The following SH3RF1 variants were observed in gnomAD, a reference collection of about 807,000 sequenced individuals.
The protein encoded by SH3RF1 is E3 ubiquitin-protein ligase SH3RF1.
Under a neutral mutation model 74.0 loss-of-function variants are expected in SH3RF1, and 32 were observed. The ratio of observed to expected loss-of-function variants is 0.43; its 90% CI spans 0.33 to 0.58. SH3RF1 has a LOEUF of 0.58. Among genes scored for constraint, SH3RF1 ranks in the 20% least tolerant of loss-of-function variants. SH3RF1 has a pLI of 0.05. For missense variants in SH3RF1, 954 were observed against 1,130.9 expected (o/e 0.84, Z 2.24); for synonymous variants, 396 against 439.6 (o/e 0.90, Z 1.24).
chr4:169,152,039 C>A (rs1733984892), intron 4 of SH3RF1, among the ~76,000 whole-genome samples: 1 of 152,160 alleles, frequency 6.6e-6, no homozygotes. Flanking sequence ...AACAAAGAAG[C>A]AGATTAAAAA....
At chr4:169,129,197 A>G (rs919673999) in intron 6 of SH3RF1, among the ~76,000 whole-genome samples, 4 of 152,204 alleles carry the variant, frequency 2.6e-5, no homozygotes, top group Non-Finnish European at 5.9e-5. Context: ...TAATTTAATG[A>G]TCTTTTCTAT....
chr4:169,129,206 A>G (rs1309727744), intron 6 of SH3RF1, among the ~76,000 whole-genome samples: 1 of 152,198 alleles, frequency 6.6e-6, no homozygotes, highest in East Asian at 1.9e-4. Context: ...GATCTTTTCT[A>G]TCGTAATTCA....
At chr4:169,168,172 TG>T (rs1358801890) in intron 2 of SH3RF1, among the ~76,000 whole-genome samples, 2 of 151,728 alleles carry the variant, frequency 1.3e-5, no homozygotes, top group Non-Finnish European at 2.9e-5. Flanking sequence ...AGTATCACAA[TG>T]AGTAACAAGC....
chr4:169,097,376 T>C (rs1732950045), intron 11 of SH3RF1, among the ~76,000 whole-genome samples: 1 of 152,260 alleles, frequency 6.6e-6, no homozygotes, highest in East Asian at 1.9e-4. Context: ...AGTAACGAGG[T>C]TGACATTCTC....
intron 4 of SH3RF1, among the ~76,000 whole-genome samples, chr4:169,146,716 T>C (rs1371649557): frequency 6.6e-6 from 1 of 151,942 alleles, no homozygotes; most frequent in East Asian, 1.9e-4. Context: ...GCGATTCTCT[T>C]GAGAAGTTTA....
chr4:169,097,244 C>T (rs189692244), intron 11 of SH3RF1, among the ~76,000 whole-genome samples: 19 of 152,194 alleles, frequency 1.2e-4, no homozygotes, highest in Non-Finnish European at 2.2e-4. Flanking sequence ...TTGACATGGG[C>T]GAGGCAGCAA....
chr4:169,179,162 CAGATGGGTTG>C, intron 2 of SH3RF1, among the ~76,000 whole-genome samples: 1 of 152,158 alleles, frequency 6.6e-6, no homozygotes, highest in Non-Finnish European at 1.5e-5. Flanking sequence ...GGAACTATCC[CAGATGGGTTG>C]AGAGTCAGAG....
intron 11 of SH3RF1, among the ~76,000 whole-genome samples, chr4:169,105,885 CA>C (rs1410468436): frequency 6.6e-5 from 10 of 151,820 alleles, no homozygotes; most frequent in Admixed American, 6.6e-4. Context: ...GACCCTGTCT[CA>C]AAAAAAGAAG....
rs746722562 is a variant in SH3RF1 at position 169,122,411 on chromosome 4, G to A, written c.1180-145C>T. 943 of 915,520 alleles carry A rather than the reference G, an allele frequency of 1.0e-3. 2 individuals carry two copies. Among genetic ancestry groups the A allele is most frequent in the Non-Finnish European group, 1.3e-3 (823 of 627,266 alleles). 56.7% of individuals were successfully genotyped at this position (915,520 alleles called of 1,614,324 possible). On this transcript the variant is annotated intron_variant, in intron 6 of 11. Transcript: ENST00000284637. The stretch of plus-strand genomic sequence containing the variant: ...AATCCACACAGGGCAGAATCAGCAG[G>A]CTAACTGATATGAAAGCCTGCTTCT...
chr4:169,108,890 C>T (rs1027648149), intron 10 of SH3RF1, among the ~76,000 whole-genome samples: 2 of 152,062 alleles, frequency 1.3e-5, no homozygotes, highest in Non-Finnish European at 2.9e-5. Context: ...GAGGATGAAA[C>T]CAGTGGAAGG....
intron 2 of SH3RF1, among the ~76,000 whole-genome samples, chr4:169,239,543 C>A (rs185051625): frequency 6.6e-6 from 1 of 152,260 alleles, no homozygotes; most frequent in Admixed American, 6.5e-5. Flanking sequence ...AAGTTAACTT[C>A]TGAAGAAATA....
intron 2 of SH3RF1, among the ~76,000 whole-genome samples, chr4:169,268,405 T>A (rs545401305): frequency 6.6e-6 from 1 of 152,334 alleles, no homozygotes; most frequent in South Asian, 2.1e-4. Context: ...ATTTCCTATT[T>A]ATGATTTACC....
At chr4:169,246,481 T>C (rs991973763) in intron 2 of SH3RF1, among the ~76,000 whole-genome samples, 2 of 152,216 alleles carry the variant, frequency 1.3e-5, no homozygotes, top group African/African-American at 4.8e-5. Flanking sequence ...GAGGTCATGC[T>C]TAATGGCCAA....
intron 2 of SH3RF1, among the ~76,000 whole-genome samples, chr4:169,240,625 C>T (rs575137447): frequency 2.7e-4 from 41 of 152,218 alleles, no homozygotes; most frequent in African/African-American, 9.2e-4. Flanking sequence ...TTGCAGTGTA[C>T]AGCATTTTTA....
intron 2 of SH3RF1, among the ~76,000 whole-genome samples, chr4:169,233,887 C>T (rs958216527): frequency 6.6e-6 from 1 of 152,146 alleles, no homozygotes; most frequent in Non-Finnish European, 1.5e-5. Flanking sequence ...TTCTCTATTT[C>T]CGCCCCTGCC....
intron 2 of SH3RF1, chr4:169,167,222 G>T (rs1341777369): frequency 7.2e-5 from 11 of 152,596 alleles, no homozygotes; most frequent in Admixed American, 7.2e-4. Context: ...AGCCATGGAA[G>T]GGCACTCAAC....
chr4:169,161,232 A>G (rs1185826898), intron 2 of SH3RF1, among the ~76,000 whole-genome samples: 1 of 152,242 alleles, frequency 6.6e-6, no homozygotes, highest in African/African-American at 2.4e-5. Flanking sequence ...AAGCTTGGCA[A>G]TTTAGACAGG....
chr4:169,224,793 T>C (rs1344979840), intron 2 of SH3RF1, among the ~76,000 whole-genome samples: 2 of 152,200 alleles, frequency 1.3e-5, no homozygotes, highest in African/African-American at 2.4e-5. Context: ...TCTTGAAGAC[T>C]GAGCCATCAG....
intron 5 of SH3RF1, among the ~76,000 whole-genome samples, chr4:169,135,936 C>T (rs974866301): frequency 2.0e-5 from 3 of 152,186 alleles, no homozygotes; most frequent in Admixed American, 2.0e-4. Context: ...ACAAACGTCA[C>T]GAGTTTGGAC....
Sources: allele counts gnomAD v4.1 joint callset (sites outside exome capture counted in the v4.1 genomes callset), GRCh38; gene constraint gnomAD v4.1.1; transcripts MANE v1.5; gene names NCBI Gene and HGNC (gene_info 2026-07-23, HGNC 2026-07-21).